Variants in DAAM2 observed in about 807,000 individuals in gnomAD.
DAAM2 encodes the protein dishevelled associated activator of morphogenesis 2, also known as disheveled-associated activator of morphogenesis 2.
A neutral mutation model predicts 120.7 loss-of-function variants in DAAM2; 39 were observed. The observed-to-expected ratio is 0.32, with a 90% CI of 0.25 to 0.42. The LOEUF (loss-of-function observed/expected upper bound fraction) is 0.42, where lower values mean the gene tolerates loss of function less well. Ranked by LOEUF, DAAM2 falls within the 10% of genes least tolerant of loss-of-function variation. The pLI, the probability that DAAM2 is intolerant of heterozygous loss-of-function variation, is 1.00. For synonymous variants in DAAM2, 488 were observed against 524.9 expected, an observed-to-expected ratio of 0.93 and a Z score of 0.96; for missense variants, 1,283 against 1,401.7, an observed-to-expected ratio of 0.92 and a Z score of 1.35.
intron 1 of DAAM2, among the ~76,000 whole-genome samples, chr6:39,853,443 G>A (rs561825067): frequency 2.0e-5 from 3 of 152,268 alleles, no homozygotes; most frequent in South Asian, 2.1e-4. Context: ...CTTCCTGTTC[G>A]CAGGGTCTGT....
chr6:39,886,782 A>C (rs1765400114), intron 15 of DAAM2: 2 of 254,814 alleles, frequency 7.8e-6, no homozygotes, highest in East Asian at 7.0e-5. Flanking sequence ...TAACCATGCA[A>C]GGCGGCCCCT....
intron 1 of DAAM2, among the ~76,000 whole-genome samples, chr6:39,846,782 C>A (rs1763611046): frequency 6.6e-6 from 1 of 151,906 alleles, no homozygotes; most frequent in Non-Finnish European, 1.5e-5. Flanking sequence ...TCTTCCCAAC[C>A]AAACTGAACT....
At chr6:39,861,142 G>C (rs1398644676) in intron 3 of DAAM2, 125 bp downstream of exon 3, 3 of 760,906 alleles carry the variant, frequency 3.9e-6, no homozygotes, top group Non-Finnish European at 7.0e-6. Flanking sequence ...AGGTGTTGGA[G>C]GAACAACAGT....
chr6:39,818,179 AATT>A (rs1416287921), intron 1 of DAAM2, among the ~76,000 whole-genome samples: 1 of 125,096 alleles, frequency 8.0e-6, no homozygotes, highest in African/African-American at 3.6e-5. Context: ...ACTGCATCTC[AATT>A]AAAAAAAAAA....
Position 39,888,753 on chromosome 6 carries a change from T to G in DAAM2, c.2135T>G (p.Met712Arg). ...GAGCAGGAGGACCTTGCTAAGGACA[T>G]GCTGGAGCAGGTGAGGACCCTCGTG... ...MDEQEDLAKD[M>R]LEQLLKFIPE... Residue 712 changes from methionine to arginine, a missense_variant, in exon 17 of 25, where the codon ATG becomes AGG. Met to Arg is a moderately conservative substitution (Grantham distance 91). This residue lies in a region of DAAM2 where 748 missense variants were observed against 768.6 expected (regional missense o/e 0.97). Transcript: ENST00000274867. 2 of 1,612,480 alleles carry G rather than the reference T, an allele frequency of 1.2e-6. No homozygotes were observed. Among genetic ancestry groups the G allele is most frequent in the Non-Finnish European group, 1.7e-6 (2 of 1,179,202 alleles).
intron 1 of DAAM2, among the ~76,000 whole-genome samples, chr6:39,805,083 A>G (rs968783568): frequency 2.0e-5 from 3 of 152,204 alleles, no homozygotes; most frequent in African/African-American, 7.2e-5. Context: ...GGTTTCCAAG[A>G]TAAGGATGCA....
At chr6:39,894,082 T>C (rs1397182048) in intron 19 of DAAM2, among the ~76,000 whole-genome samples, 1 of 152,212 alleles carries the variant, frequency 6.6e-6, no homozygotes, top group Non-Finnish European at 1.5e-5. Flanking sequence ...ATTCTTATTA[T>C]AAATACATTC....
At chr6:39,825,452 G>A (rs377495272) in intron 1 of DAAM2, among the ~76,000 whole-genome samples, 6 of 116,630 alleles carry the variant, frequency 5.1e-5, no homozygotes, top group Admixed American at 3.1e-4. Flanking sequence ...GGTTGGTGGG[G>A]GGCCTTTGTT....
intron 20 of DAAM2, 62 bp from the exon 21 acceptor site, chr6:39,897,113 C>T (rs1397463459): frequency 4.6e-6 from 7 of 1,517,648 alleles, no homozygotes; most frequent in Non-Finnish European, 5.5e-6. Flanking sequence ...CATCCTCTGA[C>T]CCTCTGACCC....
At chr6:39,811,460 C>G (rs1393653188) in intron 1 of DAAM2, among the ~76,000 whole-genome samples, 1 of 152,100 alleles carries the variant, frequency 6.6e-6, no homozygotes, top group Non-Finnish European at 1.5e-5. Context: ...CTCCTTCAGG[C>G]AGGCCACAGA....
chr6:39,897,433 C>G, intron 21 of DAAM2, 151 bp downstream of exon 21: 2 of 599,822 alleles, frequency 3.3e-6, no homozygotes, highest in Admixed American at 2.9e-5. Flanking sequence ...AACAGACACA[C>G]AGCAAAGGGG....
At chr6:39,835,734 G>A (rs1281134178) in intron 1 of DAAM2, among the ~76,000 whole-genome samples, 1 of 152,210 alleles carries the variant, frequency 6.6e-6, no homozygotes, top group African/African-American at 2.4e-5. Context: ...GATGCCGAGA[G>A]GACTCTGTGG....
chr6:39,872,494 CT>C (rs1369472453), intron 9 of DAAM2, among the ~76,000 whole-genome samples: 1 of 152,194 alleles, frequency 6.6e-6, no homozygotes, highest in Admixed American at 6.5e-5. Context: ...CCTGAGTCCC[CT>C]CTCCCCATCC....
chr6:39,865,467 G>C (rs1360110438), intron 5 of DAAM2, among the ~76,000 whole-genome samples: 1 of 152,228 alleles, frequency 6.6e-6, no homozygotes, highest in Non-Finnish European at 1.5e-5. Context: ...AGGGACGCAC[G>C]GGTAGAGAAG....
chr6:39,817,199 G>T (rs560351959), intron 1 of DAAM2, among the ~76,000 whole-genome samples: 1 of 152,306 alleles, frequency 6.6e-6, no homozygotes, highest in East Asian at 1.9e-4. Flanking sequence ...CCATGTGCCT[G>T]GGAGTCTTTC....
intron 1 of DAAM2, among the ~76,000 whole-genome samples, chr6:39,853,093 A>G (rs1327519853): frequency 6.6e-6 from 1 of 152,212 alleles, no homozygotes; most frequent in East Asian, 1.9e-4. Context: ...TGACCGGACC[A>G]CAGCCTGGCT....
intron 13 of DAAM2, 71 bp from the exon 14 acceptor site, chr6:39,879,107 A>G (rs1471888253): frequency 5.2e-6 from 5 of 966,490 alleles, no homozygotes; most frequent in South Asian, 1.7e-5. Context: ...AAGGAGAGGA[A>G]TCATGGTGGG....
At chr6:39,858,995 C>T (rs1178975918) in intron 2 of DAAM2, among the ~76,000 whole-genome samples, 1 of 152,184 alleles carries the variant, frequency 6.6e-6, no homozygotes, top group East Asian at 1.9e-4. Flanking sequence ...GAGCAGTCAG[C>T]AGTCAGTCAT....
chr6:39,807,926 G>C (rs1762054887), intron 1 of DAAM2, among the ~76,000 whole-genome samples: 1 of 152,130 alleles, frequency 6.6e-6, no homozygotes, highest in Admixed American at 6.5e-5. Flanking sequence ...TTGACCATTG[G>C]TGAGTAGTTA....
Sources: allele counts gnomAD v4.1 joint callset (sites outside exome capture counted in the v4.1 genomes callset), GRCh38; gene constraint gnomAD v4.1.1; regional missense constraint gnomAD v4.1.1; transcripts MANE v1.5; gene names NCBI Gene and HGNC (gene_info 2026-07-23, HGNC 2026-07-21).